The following KCNQ3 variants were observed in gnomAD, a reference collection of about 807,000 sequenced individuals.
KCNQ3 encodes potassium voltage-gated channel subfamily KQT member 3.
A neutral mutation model predicts 92.5 loss-of-function variants in KCNQ3; 30 were observed. That is an observed-to-expected ratio of 0.32 (90% confidence interval 0.24 to 0.44). The LOEUF (loss-of-function observed/expected upper bound fraction) is 0.44. KCNQ3 is among the 20% of genes least tolerant of loss of function. The pLI is 1.00. For missense variants in KCNQ3, 913 were observed against 1,140.3 expected (o/e 0.80, Z 2.87); for synonymous variants, 450 against 468.8 (o/e 0.96, Z 0.52).
chr8:132,470,762 G>A (rs1291951614), intron 1 of KCNQ3, among the ~76,000 whole-genome samples: 1 of 152,078 alleles, frequency 6.6e-6, no homozygotes, highest in Non-Finnish European at 1.5e-5. Flanking sequence ...TGGCTGTTAT[G>A]TCTCTTTAGC....
intron 3 of KCNQ3, among the ~76,000 whole-genome samples, chr8:132,181,054 T>G (rs1372906002): frequency 6.6e-6 from 1 of 152,100 alleles, no homozygotes; most frequent in Non-Finnish European, 1.5e-5. Flanking sequence ...AGAGAAGGCC[T>G]TGGGGTAGAT....
chr8:132,327,440 G>A (rs1026507192), intron 1 of KCNQ3, among the ~76,000 whole-genome samples: 4 of 152,142 alleles, frequency 2.6e-5, no homozygotes, highest in African/African-American at 9.7e-5. Flanking sequence ...TGGTAACAGG[G>A]TTTGATCCCA....
intron 1 of KCNQ3, among the ~76,000 whole-genome samples, chr8:132,362,801 G>A (rs1347222635): frequency 6.6e-6 from 1 of 152,198 alleles, no homozygotes. Context: ...GTCACAGCTG[G>A]TAGGAAAGCA....
intron 1 of KCNQ3, among the ~76,000 whole-genome samples, chr8:132,280,297 G>A (rs1350174985): frequency 1.3e-5 from 2 of 152,154 alleles, no homozygotes; most frequent in Non-Finnish European, 2.9e-5. Flanking sequence ...TAAGAAAAGA[G>A]GTTTAATTAG....
Position 132,426,194 on chromosome 8 carries a change from T to C in KCNQ3, c.386+53953A>G, listed in dbSNP as rs185976398. On this transcript the variant is annotated intron_variant, in intron 1 of 14. Coordinates refer to ENST00000388996, the MANE Select transcript of KCNQ3 (RefSeq NM_004519.4). ...TAAGGCCTAAAGTTAAGGATCAATA[T>C]GGCGGGCTGCCTTGACATCTGGTGA... Among the ~76,000 whole-genome samples, 8 of 152,348 alleles carry C rather than the reference T, an allele frequency of 5.3e-5. No homozygotes were observed. In the East Asian group the frequency reaches 7.7e-4, roughly 15 times the overall value.
chr8:132,398,586 C>T (rs1820254717), intron 1 of KCNQ3, among the ~76,000 whole-genome samples: 1 of 152,104 alleles, frequency 6.6e-6, no homozygotes, highest in South Asian at 2.1e-4. Flanking sequence ...AGCCTTTGCC[C>T]CTATTAAAAT....
chr8:132,412,108 G>A (rs1026483361), intron 1 of KCNQ3, among the ~76,000 whole-genome samples: 16 of 152,130 alleles, frequency 1.1e-4, no homozygotes, highest in African/African-American at 3.4e-4. Context: ...ACTGCCTGGC[G>A]CTTGGCACCC....
Position 132,480,801 on chromosome 8 carries a change from G to T in KCNQ3, c.-269C>A. ...GTCGCGGGCCGGGGGCTGCGGAGAA[G>T]CTGGGAGGGCGCGCGAGGCTGGCGC... On this transcript the variant is annotated 5_prime_UTR_variant, in exon 1 of 15. Coordinates refer to ENST00000388996, the MANE Select transcript of KCNQ3 (RefSeq NM_004519.4). 1 of 171,532 alleles carries T rather than the reference G, an allele frequency of 5.8e-6. No homozygotes were observed. The highest frequency in any genetic ancestry group is 1.2e-5 in the Non-Finnish European group (1 of 85,482). The allele number at this position is 171,532 out of a possible 1,614,324, so 10.6% of individuals were successfully genotyped here.
chr8:132,383,320 C>T (rs959437167), intron 1 of KCNQ3, among the ~76,000 whole-genome samples: 1 of 152,202 alleles, frequency 6.6e-6, no homozygotes, highest in African/African-American at 2.4e-5. Flanking sequence ...ATGGCTTGTG[C>T]AGTGAGTTTT....
intron 1 of KCNQ3, among the ~76,000 whole-genome samples, chr8:132,211,450 C>T (rs541989927): frequency 7.2e-5 from 11 of 152,172 alleles, no homozygotes; most frequent in Admixed American, 7.2e-4. Context: ...TTGACCTTTC[C>T]CCCTCCTCCT....
chr8:132,424,883 G>C (rs895417367), intron 1 of KCNQ3, among the ~76,000 whole-genome samples: 3 of 152,138 alleles, frequency 2.0e-5, no homozygotes, highest in Non-Finnish European at 4.4e-5. Flanking sequence ...TGTATTTAGA[G>C]CCCACCAGGT....
In KCNQ3 at chr8:132,172,583, C is replaced by T. The variant is rs771333555; in HGVS notation, c.1140+15G>A. ...GATCTTAATCCCATTCCAGTTCATT[C>T]CCAGGCAGACAGACCTGAATGAGCT... On this transcript the variant is annotated intron_variant, in intron 7 of 14. Coordinates refer to ENST00000388996, the MANE Select transcript of KCNQ3 (RefSeq NM_004519.4). The T allele has an allele frequency of 4.3e-6, 7 of 1,609,828 alleles. No homozygotes were observed. In the African/African-American group the frequency reaches 9.4e-5, roughly 22 times the overall value.
chr8:132,278,850 G>A (rs1586889866), intron 1 of KCNQ3, among the ~76,000 whole-genome samples: 1 of 152,128 alleles, frequency 6.6e-6, no homozygotes, highest in East Asian at 1.9e-4. Flanking sequence ...ATAAATTCCA[G>A]CCTCCCCAAA....
chr8:132,289,572 G>A (rs1413203868), intron 1 of KCNQ3, among the ~76,000 whole-genome samples: 1 of 152,038 alleles, frequency 6.6e-6, no homozygotes, highest in Non-Finnish European at 1.5e-5. Context: ...TCACCTACAA[G>A]GATACATAAG....
chr8:132,293,349 C>G (rs980424155), intron 1 of KCNQ3, among the ~76,000 whole-genome samples: 1 of 152,082 alleles, frequency 6.6e-6, no homozygotes, highest in Admixed American at 6.5e-5. Context: ...ACTGAGCCCC[C>G]AACCTATGGG....
At chr8:132,300,207 T>C (rs1346397014) in intron 1 of KCNQ3, among the ~76,000 whole-genome samples, 1 of 152,190 alleles carries the variant, frequency 6.6e-6, no homozygotes, top group Non-Finnish European at 1.5e-5. Context: ...GAATGGACCA[T>C]GGATCATTCT....
intron 1 of KCNQ3, among the ~76,000 whole-genome samples, chr8:132,424,421 T>C (rs976680154): frequency 6.6e-6 from 1 of 152,082 alleles, no homozygotes; most frequent in East Asian, 1.9e-4. Context: ...CCCCCAACCC[T>C]CTCATTCGAC....
chr8:132,402,019 G>A (rs1482481157), intron 1 of KCNQ3, among the ~76,000 whole-genome samples: 2 of 152,210 alleles, frequency 1.3e-5, no homozygotes, highest in Admixed American at 6.5e-5. Flanking sequence ...GGCTGTGCCT[G>A]GGTTTTCTCC....
intron 1 of KCNQ3, among the ~76,000 whole-genome samples, chr8:132,450,859 G>C (rs1361372844): frequency 6.6e-6 from 1 of 152,176 alleles, no homozygotes; most frequent in Admixed American, 6.5e-5. Flanking sequence ...AAGGGAAGGG[G>C]GTGAGAGAAA....
Sources: allele counts gnomAD v4.1 joint callset (sites outside exome capture counted in the v4.1 genomes callset), GRCh38; gene constraint gnomAD v4.1.1; transcripts MANE v1.5; gene names NCBI Gene and HGNC (gene_info 2026-07-23, HGNC 2026-07-21).